The following ROBO2 variants were observed in gnomAD, a reference collection of about 807,000 sequenced individuals.
ROBO2 encodes roundabout guidance receptor 2.
Under a neutral mutation model 160.8 loss-of-function variants are expected in ROBO2, and 53 were observed. The observed-to-expected ratio is 0.33, with a 90% confidence interval of 0.26 to 0.41. The LOEUF is 0.41. Ranked by LOEUF, ROBO2 falls within the 10% of genes least tolerant of loss-of-function variation. The probability of loss-of-function intolerance (pLI) is 1.00; values close to 1 mark genes in which losing one functional copy is unlikely to be tolerated. For synonymous variants in ROBO2, 664 were observed against 611.7 expected, an observed-to-expected ratio of 1.09 and a Z score of -1.26; for missense variants, 1,577 against 1,722.4, an observed-to-expected ratio of 0.92 and a Z score of 1.49.
intron 5 of ROBO2, among the ~76,000 whole-genome samples, chr3:77,505,919 A>T (rs2088448771): frequency 1.3e-5 from 2 of 152,162 alleles, no homozygotes; most frequent in Admixed American, 1.3e-4. Context: ...GCATAAACTA[A>T]TTTTATTTTA....
At chr3:76,525,501 G>A (rs2081901270) in intron 2 of ROBO2, among the ~76,000 whole-genome samples, 1 of 151,902 alleles carries the variant, frequency 6.6e-6, no homozygotes, top group Non-Finnish European at 1.5e-5. Context: ...CATTTTCTGT[G>A]TAAGTAATTC....
At chr3:77,370,764 C>CAAGT (rs1553926262) in intron 2 of ROBO2, among the ~76,000 whole-genome samples, 1 of 151,866 alleles carries the variant, frequency 6.6e-6, no homozygotes, top group Non-Finnish European at 1.5e-5. Flanking sequence ...TCAGTGTCCA[C>CAAGT]AAAGTTTTAT....
At chr3:76,693,420 T>C (rs1255714926) in intron 2 of ROBO2, among the ~76,000 whole-genome samples, 3 of 150,718 alleles carry the variant, frequency 2.0e-5, no homozygotes, top group Non-Finnish European at 2.9e-5. Flanking sequence ...ATATATACAC[T>C]ACATATAGAT....
At chr3:77,124,141 G>T (rs150982910) in intron 2 of ROBO2, among the ~76,000 whole-genome samples, 1 of 152,082 alleles carries the variant, frequency 6.6e-6, no homozygotes, top group Non-Finnish European at 1.5e-5. Flanking sequence ...TGCTCCTTTC[G>T]TTCTGGATAC....
chr3:77,321,302 A>T (rs768909351), intron 2 of ROBO2, among the ~76,000 whole-genome samples: 1 of 152,070 alleles, frequency 6.6e-6, no homozygotes, highest in Non-Finnish European at 1.5e-5. Flanking sequence ...GGATTACTTG[A>T]GCCTGGGAGT....
intron 2 of ROBO2, among the ~76,000 whole-genome samples, chr3:77,332,922 C>G (rs1250186538): frequency 2.6e-5 from 4 of 152,098 alleles, no homozygotes; most frequent in Admixed American, 2.6e-4. Context: ...ACAAATTTAC[C>G]CAGGTAATAG....
intron 1 of ROBO2, among the ~76,000 whole-genome samples, chr3:77,043,454 G>A (rs1048963639): frequency 6.6e-6 from 1 of 152,096 alleles, no homozygotes; most frequent in Non-Finnish European, 1.5e-5. Context: ...CCTCATAGAA[G>A]CTATCTGCTA....
intron 2 of ROBO2, among the ~76,000 whole-genome samples, chr3:77,342,903 C>T (rs901343651): frequency 2.0e-5 from 3 of 152,170 alleles, no homozygotes; most frequent in Non-Finnish European, 2.9e-5. Flanking sequence ...GGCTGGATGG[C>T]GTAAGCCATG....
chr3:76,341,776 T>C (rs902543477), intron 2 of ROBO2, among the ~76,000 whole-genome samples: 1 of 152,178 alleles, frequency 6.6e-6, no homozygotes, highest in Non-Finnish European at 1.5e-5. Flanking sequence ...AAAATAACTA[T>C]TAGCTGCCAT....
chr3:76,053,491 G>A (rs1262484417), intron 2 of ROBO2, among the ~76,000 whole-genome samples: 1 of 151,944 alleles, frequency 6.6e-6, no homozygotes, highest in Non-Finnish European at 1.5e-5. Context: ...CAACTGTGGT[G>A]AGAATAACAT....
At chr3:76,586,472 C>G (rs1483416178) in intron 2 of ROBO2, among the ~76,000 whole-genome samples, 1 of 152,096 alleles carries the variant, frequency 6.6e-6, no homozygotes, top group Non-Finnish European at 1.5e-5. Flanking sequence ...CAGTGCCATC[C>G]AATAGAAATG....
At chr3:76,102,597 A>C (rs956485699) in intron 2 of ROBO2, among the ~76,000 whole-genome samples, 1 of 152,190 alleles carries the variant, frequency 6.6e-6, no homozygotes, top group Non-Finnish European at 1.5e-5. Context: ...GAATTCTCAG[A>C]GGTCAAGAAA....
At chr3:77,170,063 G>A (rs1471749866) in intron 2 of ROBO2, among the ~76,000 whole-genome samples, 1 of 152,120 alleles carries the variant, frequency 6.6e-6, no homozygotes, top group Non-Finnish European at 1.5e-5. Flanking sequence ...ATGATCCTTT[G>A]GCCACTGCCT....
intron 2 of ROBO2, among the ~76,000 whole-genome samples, chr3:76,928,221 T>A (rs2077104401): frequency 1.3e-5 from 2 of 152,076 alleles, no homozygotes; most frequent in Non-Finnish European, 2.9e-5. Flanking sequence ...AAGAGAGCCA[T>A]GAGCCACAAA....
intron 5 of ROBO2, among the ~76,000 whole-genome samples, chr3:77,503,641 A>G (rs1381075898): frequency 6.6e-6 from 1 of 151,940 alleles, no homozygotes; most frequent in African/African-American, 2.4e-5. Context: ...ATTTTTGCTA[A>G]TTTCCTGATA....
chr3:77,611,084 G>A (rs1361963631), intron 21 of ROBO2, among the ~76,000 whole-genome samples: 2 of 151,964 alleles, frequency 1.3e-5, no homozygotes, highest in Non-Finnish European at 2.9e-5. Flanking sequence ...GGATCACGAG[G>A]TCAAGAGATC....
chr3:77,232,728 G>A (rs903076581), intron 2 of ROBO2, among the ~76,000 whole-genome samples: 2 of 152,118 alleles, frequency 1.3e-5, no homozygotes, highest in Non-Finnish European at 2.9e-5. Flanking sequence ...TAATGTGATG[G>A]TGATGGTCTA....
At chr3:76,158,204 C>T (rs569155300) in intron 2 of ROBO2, among the ~76,000 whole-genome samples, 1 of 152,246 alleles carries the variant, frequency 6.6e-6, no homozygotes, top group East Asian at 1.9e-4. Flanking sequence ...ATCTACATCT[C>T]TGCTCTTACT....
chr3:77,002,409 G>A (rs1028448200), intron 2 of ROBO2, among the ~76,000 whole-genome samples: 1 of 145,168 alleles, frequency 6.9e-6, no homozygotes, highest in Non-Finnish European at 1.5e-5. Context: ...ACATTATTTT[G>A]TATTAAAATA....
Sources: allele counts gnomAD v4.1 joint callset (sites outside exome capture counted in the v4.1 genomes callset), GRCh38; gene constraint gnomAD v4.1.1; transcripts MANE v1.5; gene names NCBI Gene and HGNC (gene_info 2026-07-23, HGNC 2026-07-21).